Variants in SLC35F3 observed in about 807,000 individuals in gnomAD.
SLC35F3 encodes the protein putative thiamine transporter SLC35F3.
Under a neutral mutation model 49.9 loss-of-function variants are expected in SLC35F3, and 25 were observed. The ratio of observed to expected loss-of-function variants is 0.50; its 90% CI spans 0.37 to 0.70. The LOEUF (loss-of-function observed/expected upper bound fraction) is 0.70. SLC35F3 is among the 30% of genes least tolerant of loss of function. The pLI, the probability that SLC35F3 is intolerant of heterozygous loss-of-function variation, is 0.00. For synonymous variants in SLC35F3, 275 were observed against 265.4 expected (o/e 1.04, Z -0.35); for missense variants, 525 against 639.8 (o/e 0.82, Z 1.94).
At chr1:234,208,340 C>T (rs1352425440) in intron 2 of SLC35F3, among the ~76,000 whole-genome samples, 2 of 152,196 alleles carry the variant, frequency 1.3e-5, no homozygotes, top group African/African-American at 2.4e-5. Flanking sequence ...CTGTAGATGT[C>T]GTACATGTGA....
At chr1:234,259,221 TA>T (rs1165399863) in intron 3 of SLC35F3, among the ~76,000 whole-genome samples, 1 of 152,248 alleles carries the variant, frequency 6.6e-6, no homozygotes, top group Non-Finnish European at 1.5e-5. Flanking sequence ...CCTATTGTGT[TA>T]AATCTTCACT....
chr1:233,921,828 ATGT>A lies in SLC35F3; in HGVS notation c.283+16072_283+16074del, dbSNP rs371280364. On this transcript the variant is annotated intron_variant, in intron 2 of 7. Transcript: ENST00000366618. ...TCCCCCCAACAGGCCCCAGTGTGTGATGTTCCCCACCCAGTGTACAAGTGTCCA... is the reference window on the plus strand; with the variant it reads ...TCCCCCCAACAGGCCCCAGTGTGTGATCCCCACCCAGTGTACAAGTGTCCA... Among the ~76,000 whole-genome samples the A allele has an allele frequency of 8.6e-3, 956 of 111,106 alleles. 11 individuals are homozygous for A. The highest frequency in any genetic ancestry group is 0.03 in the African/African-American group (866 of 28,740). 72.9% of individuals were successfully genotyped at this position (111,106 alleles called of 152,430 possible).
At chr1:234,137,299 G>T (rs555112407) in intron 2 of SLC35F3, among the ~76,000 whole-genome samples, 2 of 152,338 alleles carry the variant, frequency 1.3e-5, no homozygotes, top group South Asian at 4.1e-4. Context: ...GAAAAACCAG[G>T]TGGCAGGAGG....
At position 234,227,397 on chromosome 1, in the gene SLC35F3, T is replaced by C. The variant is rs1007730960; in HGVS notation, c.284-4020T>C. Among the ~76,000 whole-genome samples the C allele has an allele frequency of 5.3e-3, 407 of 76,904 alleles. 2 individuals are homozygous for C. In the African/African-American group the frequency reaches 0.12, roughly 22 times the overall value. The allele number at this position is 76,904 out of a possible 152,430, so 50.5% of individuals were successfully genotyped here. A position where few individuals can be genotyped will look rare whatever the true frequency, so the allele number is the denominator to read the frequency against. ...GAGGCACTGCCTCTTTCTTTCTTTT[T>C]TTTTTTTTTTTTTTTTTTTGAGATG... On this transcript the variant is annotated intron_variant, in intron 2 of 7. Coordinates refer to ENST00000366618, the MANE Select transcript of SLC35F3 (RefSeq NM_173508.4).
At chr1:234,282,388 T>G (rs188702560) in intron 3 of SLC35F3, among the ~76,000 whole-genome samples, 3 of 152,318 alleles carry the variant, frequency 2.0e-5, no homozygotes, top group African/African-American at 7.2e-5. Flanking sequence ...ATTGGTGGTC[T>G]TCTCCCACCC....
chr1:234,089,991 T>C (rs565892755), intron 2 of SLC35F3, among the ~76,000 whole-genome samples: 1 of 152,356 alleles, frequency 6.6e-6, no homozygotes, highest in East Asian at 1.9e-4. Flanking sequence ...GCAGATCATA[T>C]ATATTTTTAA....
intron 2 of SLC35F3, among the ~76,000 whole-genome samples, chr1:234,171,554 A>G (rs1652486007): frequency 6.6e-6 from 1 of 152,222 alleles, no homozygotes. Flanking sequence ...AATCAAGGAA[A>G]GAGCCTGAGA....
chr1:234,245,313 A>G (rs946176058), intron 3 of SLC35F3, among the ~76,000 whole-genome samples: 1 of 152,232 alleles, frequency 6.6e-6, no homozygotes, highest in Non-Finnish European at 1.5e-5. Context: ...TCCTTTTTAC[A>G]GCGGAATGGT....
At chr1:234,316,211 G>A (rs1415403762) in intron 4 of SLC35F3, among the ~76,000 whole-genome samples, 7 of 152,172 alleles carry the variant, frequency 4.6e-5, no homozygotes, top group African/African-American at 2.4e-5. Flanking sequence ...GAAGGCTGGG[G>A]AAGAACTCAG....
At chr1:233,942,975 T>C (rs527920501) in intron 2 of SLC35F3, among the ~76,000 whole-genome samples, 2 of 152,380 alleles carry the variant, frequency 1.3e-5, no homozygotes, top group South Asian at 4.1e-4. Context: ...ATGACTGGCT[T>C]ACTTCACTTA....
chr1:234,042,105 T>C (rs973291655), intron 2 of SLC35F3, among the ~76,000 whole-genome samples: 5 of 152,130 alleles, frequency 3.3e-5, no homozygotes, highest in African/African-American at 1.2e-4. Context: ...GGCTTTCTCC[T>C]CCGAAGTCAA....
At chr1:234,245,632 C>T (rs1383210594) in intron 3 of SLC35F3, among the ~76,000 whole-genome samples, 2 of 152,194 alleles carry the variant, frequency 1.3e-5, no homozygotes, top group African/African-American at 4.8e-5. Flanking sequence ...CTCCATGATG[C>T]TTAGAGCGTG....
intron 3 of SLC35F3, among the ~76,000 whole-genome samples, chr1:234,270,901 A>T (rs754394896): frequency 1.3e-5 from 2 of 152,218 alleles, no homozygotes; most frequent in Non-Finnish European, 2.9e-5. Flanking sequence ...TGTCCTCATC[A>T]TGCTTATAGA....
chr1:234,233,003 T>C (rs577315350), intron 3 of SLC35F3, among the ~76,000 whole-genome samples: 12 of 152,280 alleles, frequency 7.9e-5, no homozygotes, highest in African/African-American at 2.9e-4. Context: ...ACATGGCCAG[T>C]CTCACATGTC....
intron 2 of SLC35F3, among the ~76,000 whole-genome samples, chr1:234,057,008 T>C (rs571278994): frequency 6.6e-6 from 1 of 152,332 alleles, no homozygotes; most frequent in South Asian, 2.1e-4. Context: ...AACTCTATTT[T>C]CTTGATCTAC....
chr1:233,942,231 G>A lies in SLC35F3; in HGVS notation c.283+36473G>A, dbSNP rs549398568. On this transcript the variant is annotated intron_variant, in intron 2 of 7. Coordinates refer to ENST00000366618, the MANE Select transcript of SLC35F3 (RefSeq NM_173508.4). ...CCGCCTCAGCCTCCCAAAGTGCTGG[G>A]ATTACAGGTGTGAGCCACCGTGCCC... 3.5e-3 allele frequency among the ~76,000 whole-genome samples: 531 copies of A among 151,974 alleles called. 1 individual carries two copies. The highest frequency in any genetic ancestry group is 0.012 in the African/African-American group (505 of 41,476).
chr1:234,183,994 A>G (rs1289390608), intron 2 of SLC35F3, among the ~76,000 whole-genome samples: 1 of 117,512 alleles, frequency 8.5e-6, no homozygotes, highest in Non-Finnish European at 1.8e-5. Flanking sequence ...CCTATCAGCT[A>G]TAACAAAAAA....
chr1:234,088,099 G>A (rs772423488), intron 2 of SLC35F3, among the ~76,000 whole-genome samples: 5 of 152,122 alleles, frequency 3.3e-5, no homozygotes, highest in East Asian at 1.9e-4. Context: ...TCTTCTGTAC[G>A]TTGTATTTCC....
At chr1:234,158,009 C>G (rs1666178158) in intron 2 of SLC35F3, among the ~76,000 whole-genome samples, 1 of 152,120 alleles carries the variant, frequency 6.6e-6, no homozygotes, top group Non-Finnish European at 1.5e-5. Context: ...ATTTATGAGT[C>G]GATTCAGCCA....
Sources: allele counts gnomAD v4.1 joint callset (sites outside exome capture counted in the v4.1 genomes callset), GRCh38; gene constraint gnomAD v4.1.1; transcripts MANE v1.5; gene names NCBI Gene and HGNC (gene_info 2026-07-23, HGNC 2026-07-21).